Variants in CNTNAP5 observed in about 807,000 individuals in gnomAD.
CNTNAP5 encodes contactin associated protein family member 5.
A neutral mutation model predicts 150.2 loss-of-function variants in CNTNAP5; 72 were observed. That is an observed-to-expected ratio of 0.48 (90% CI 0.40 to 0.58). The LOEUF (loss-of-function observed/expected upper bound fraction) is 0.58. Ranked by LOEUF, CNTNAP5 falls within the 20% of genes least tolerant of loss-of-function variation. The pLI is 0.00. For synonymous variants in CNTNAP5, 672 were observed against 619.8 expected (o/e 1.08, Z -1.25); for missense variants, 1,636 against 1,626.2 (o/e 1.01, Z -0.10).
Position 124,245,176 on chromosome 2 carries a change from A to G in CNTNAP5, c.381+2783A>G, listed in dbSNP as rs547754703. Among the ~76,000 whole-genome samples, 9 of 152,298 alleles carry G rather than the reference A, an allele frequency of 5.9e-5. 2 individuals carry two copies. The highest frequency in any genetic ancestry group is 1.9e-4 in the African/African-American group (8 of 41,562). ...TAAATATAAAAGTGTGAAGATACCA[A>G]TAATACCTATTTGTATTTGTGTATG... On this transcript the variant is annotated intron_variant, in intron 3 of 23. Transcript: ENST00000682447.
intron 3 of CNTNAP5, among the ~76,000 whole-genome samples, chr2:124,299,923 A>G (rs1292826391): frequency 1.3e-5 from 2 of 152,170 alleles, no homozygotes; most frequent in Non-Finnish European, 2.9e-5. Context: ...ATCTTGTCCC[A>G]TAGTTAATAC....
intron 13 of CNTNAP5, among the ~76,000 whole-genome samples, chr2:124,693,222 A>C (rs903453028): frequency 1.3e-5 from 2 of 152,102 alleles, no homozygotes; most frequent in African/African-American, 4.8e-5. Flanking sequence ...AAAAATGGAA[A>C]CATAGTTGGC....
At chr2:124,772,711 G>A in intron 16 of CNTNAP5, 88 bp from the exon 17 acceptor site, 5 of 945,968 alleles carry the variant, frequency 5.3e-6, no homozygotes, top group Non-Finnish European at 3.4e-6. Context: ...TATTGATACT[G>A]ACTTACAATC....
At chr2:124,646,326 C>T (rs9646915) in intron 12 of CNTNAP5, among the ~76,000 whole-genome samples, 76,685 of 151,948 alleles carry the variant, frequency 0.5, 20,639 homozygotes, top group Non-Finnish European at 0.62. Flanking sequence ...GTGCTTCTGC[C>T]TTGTAGCTGT....
chr2:124,237,451 G>A (rs1489050306), intron 2 of CNTNAP5, among the ~76,000 whole-genome samples: 1 of 152,142 alleles, frequency 6.6e-6, no homozygotes, highest in African/African-American at 2.4e-5. Context: ...TTGGAATGCA[G>A]GATTAGCAAT....
intron 1 of CNTNAP5, among the ~76,000 whole-genome samples, chr2:124,082,630 G>A (rs1355442844): frequency 6.6e-6 from 1 of 152,190 alleles, no homozygotes; most frequent in Non-Finnish European, 1.5e-5. Flanking sequence ...ACAAAGCTTT[G>A]TATAATCATA....
chr2:124,232,513 C>A (rs1176578321), intron 2 of CNTNAP5, among the ~76,000 whole-genome samples: 1 of 152,056 alleles, frequency 6.6e-6, no homozygotes, highest in Admixed American at 6.6e-5. Flanking sequence ...CAACATATAA[C>A]AAACGCCAAA....
At chr2:124,197,929 T>C (rs1445998198) in intron 1 of CNTNAP5, among the ~76,000 whole-genome samples, 1 of 151,440 alleles carries the variant, frequency 6.6e-6, no homozygotes, top group Non-Finnish European at 1.5e-5. Context: ...TGCAGTGAGC[T>C]GAGATCGCGC....
chr2:124,723,360 A>G (rs1357490108), intron 13 of CNTNAP5, among the ~76,000 whole-genome samples: 1 of 152,134 alleles, frequency 6.6e-6, no homozygotes, highest in Non-Finnish European at 1.5e-5. Flanking sequence ...CATGCTCCTC[A>G]TCTCTGTCTG....
intron 17 of CNTNAP5, among the ~76,000 whole-genome samples, chr2:124,783,640 C>T (rs972334620): frequency 2.0e-5 from 3 of 152,120 alleles, no homozygotes; most frequent in African/African-American, 7.2e-5. Flanking sequence ...CAAGTTATCA[C>T]TAAACTCTTT....
intron 19 of CNTNAP5, among the ~76,000 whole-genome samples, chr2:124,808,038 C>A (rs1423529232): frequency 1.3e-5 from 2 of 152,102 alleles, no homozygotes; most frequent in Non-Finnish European, 2.9e-5. Context: ...GTGTCAGTTT[C>A]TGTAATGCAA....
chr2:124,529,828 G>A (rs1417005216), intron 10 of CNTNAP5, among the ~76,000 whole-genome samples: 1 of 152,116 alleles, frequency 6.6e-6, no homozygotes, highest in Non-Finnish European at 1.5e-5. Context: ...CCAGTCCGTT[G>A]TTGCAGGCTG....
intron 13 of CNTNAP5, among the ~76,000 whole-genome samples, chr2:124,657,734 C>T (rs976151301): frequency 6.6e-6 from 1 of 152,212 alleles, no homozygotes; most frequent in Non-Finnish European, 1.5e-5. Flanking sequence ...ATACAGTGAA[C>T]TTGGCCCCAC....
At chr2:124,628,744 C>A (rs13430653) in intron 12 of CNTNAP5, among the ~76,000 whole-genome samples, 2,066 of 152,180 alleles carry the variant, frequency 0.014, 48 homozygotes, top group African/African-American at 0.047. Flanking sequence ...GGGCTAAATG[C>A]CCCAAATAAA....
At chr2:124,446,665 A>G in intron 5 of CNTNAP5, 88 bp from the exon 6 acceptor site, 1 of 1,294,474 alleles carries the variant, frequency 7.7e-7, no homozygotes. Flanking sequence ...TTTAGAACAG[A>G]TATAGCTGCT....
intron 3 of CNTNAP5, among the ~76,000 whole-genome samples, chr2:124,361,056 G>T (rs200596368): frequency 8.8e-6 from 1 of 113,882 alleles, no homozygotes; most frequent in Non-Finnish European, 1.8e-5. Context: ...CATTTCATTC[G>T]TTTCATCTTC....
chr2:124,266,985 A>T (rs114390774), intron 3 of CNTNAP5, among the ~76,000 whole-genome samples: 23,279 of 144,050 alleles, frequency 0.16, 1,912 homozygotes, highest in Non-Finnish European at 0.2. Flanking sequence ...TTTTTTTTTT[A>T]CAATGCTGGG....
intron 13 of CNTNAP5, among the ~76,000 whole-genome samples, chr2:124,711,269 T>C (rs1443629832): frequency 2.1e-5 from 3 of 146,162 alleles, no homozygotes; most frequent in Non-Finnish European, 4.6e-5. Context: ...AGATCCCATC[T>C]CAAAAATAAA....
chr2:124,535,739 T>C (rs1289765912), intron 10 of CNTNAP5, among the ~76,000 whole-genome samples: 1 of 151,900 alleles, frequency 6.6e-6, no homozygotes, highest in African/African-American at 2.4e-5. Context: ...ATCGCGCCAC[T>C]GCACTCCAGA....
Sources: gnomAD v4.1 joint callset for allele counts (sites outside exome capture counted in the v4.1 genomes callset) on GRCh38, gnomAD v4.1.1 for gene constraint, MANE v1.5 for transcripts, NCBI Gene and HGNC (gene_info 2026-07-23, HGNC 2026-07-21) for gene names.